The following SLURP2 variants were observed in gnomAD, a reference collection of about 807,000 sequenced individuals.
SLURP2 encodes secreted LY6/PLAUR domain containing 2.
Under a neutral mutation model 9.8 loss-of-function variants are expected in SLURP2, and 4 were observed. The observed-to-expected ratio is 0.41, with a 90% confidence interval of 0.20 to 0.94. SLURP2 has a LOEUF of 0.94. Ranked by LOEUF, SLURP2 falls within the 40% of genes least tolerant of loss-of-function variation. The pLI is 0.32. For synonymous variants in SLURP2, 58 were observed against 56.2 expected (o/e 1.03, Z -0.15); for missense variants, 118 against 126.4 (o/e 0.93, Z 0.32).
In SLURP2 at chr8:142,768,928, C is replaced by T. The variant is rs138958895; in HGVS notation, c.52+827G>A. Among the ~76,000 whole-genome samples the T allele has an allele frequency of 3.9e-5, 6 of 152,322 alleles. No homozygotes were observed. Among genetic ancestry groups the T allele is most frequent in the African/African-American group, 4.8e-5 (2 of 41,578 alleles). On this transcript the variant is annotated intron_variant, in intron 1 of 2. Coordinates refer to ENST00000317543, the MANE Select transcript of SLURP2 (RefSeq NM_177458.3). The surrounding 1 kb of genome is among the most constrained non-coding windows in gnomAD (Gnocchi z 4.8). Reference sequence around the variant, plus strand: ...GGGGCTGCCCAGGTCGTTCAACCCACAGCCAGGGACGCAGAGGCTTGGCCC... The same window carrying T: ...GGGGCTGCCCAGGTCGTTCAACCCATAGCCAGGGACGCAGAGGCTTGGCCC...
chr8:142,769,470 G>A (rs587663291), intron 1 of SLURP2, among the ~76,000 whole-genome samples: 4 of 150,606 alleles, frequency 2.7e-5, no homozygotes, highest in South Asian at 2.1e-4. Context: ...GGGGTGTCGC[G>A]GTGGACTGGA....
In SLURP2 at chr8:142,764,407, G is replaced by A. The variant is rs922055045; in HGVS notation, c.*198C>T. ...ACCTGAAGGGGCGGCAGGCACGATGGGCCCCAGGCTTGGACGGCAGCAGAT... is the reference window on the plus strand; with the variant it reads ...ACCTGAAGGGGCGGCAGGCACGATGAGCCCCAGGCTTGGACGGCAGCAGAT... On this transcript the variant is annotated 3_prime_UTR_variant, in exon 3 of 3. Transcript: ENST00000317543. 2.3e-5 allele frequency: 16 copies of A among 689,496 alleles called. No individual in the cohort carries two copies. In the African/African-American group the frequency reaches 2.5e-4, roughly 11 times the overall value. The allele number at this position is 689,496 out of a possible 1,614,324, so 42.7% of individuals were successfully genotyped here.
chr8:142,766,200 G>C (rs1413161355), intron 1 of SLURP2: 1 of 152,154 alleles, frequency 6.6e-6, no homozygotes, highest in African/African-American at 2.4e-5. Context: ...AGAAACTCAA[G>C]TCGTAAAACA....
In SLURP2 at chr8:142,765,031, C is replaced by T; in HGVS notation, c.157+5G>A. ...CGTGGCCAGCCCACCACTGTTCCCA[C>T]TTACGGGTGGCAGTGGTGACACAGT... On this transcript the variant is annotated splice_donor_5th_base_variant and intron_variant, in intron 2 of 2. Coordinates refer to ENST00000317543, the MANE Select transcript of SLURP2 (RefSeq NM_177458.3). 1 of 1,606,998 alleles carries T rather than the reference C, an allele frequency of 6.2e-7. No homozygotes were observed. Among genetic ancestry groups the T allele is most frequent in the East Asian group, 2.2e-5 (1 of 44,796 alleles).
chr8:142,765,843 A>G (rs1814987704), intron 1 of SLURP2, among the ~76,000 whole-genome samples: 1 of 151,990 alleles, frequency 6.6e-6, no homozygotes, highest in African/African-American at 2.4e-5. Context: ...TGTGCCTGTA[A>G]TCCCAGCTAC....
intron 2 of SLURP2, 76 bp downstream of exon 2, chr8:142,764,960 C>T: frequency 7.6e-7 from 1 of 1,321,616 alleles, no homozygotes; most frequent in Non-Finnish European, 1.1e-6. Flanking sequence ...CTGGATCTGG[C>T]TCTGTCACCC....
Position 142,765,116 on chromosome 8 carries a change from T to A in SLURP2, c.77A>T (p.His26Leu). The change falls in exon 2 of 3, where the codon CAC becomes CTC. Residue 26 changes from histidine (H) to leucine (L), a missense_variant. By Grantham distance (99) the His-to-Leu change is moderately conservative. Coordinates refer to ENST00000317543, the MANE Select transcript of SLURP2 (RefSeq NM_177458.3). The stretch of plus-strand genomic sequence containing the variant: ...GCACCCTCCGAAGCCCGTGCACTGG[T>A]GACACCATATGGCTTCGGCTGCAGC... ...QLAAAEAIWCHQCTGFGGCSH... is the reference protein window; with the variant it reads ...QLAAAEAIWCLQCTGFGGCSH... 6.2e-7 allele frequency: 1 copy of A among 1,611,684 alleles called. No individual in the cohort carries two copies. Among genetic ancestry groups the A allele is most frequent in the Non-Finnish European group, 8.5e-7 (1 of 1,179,302 alleles).
At position 142,764,578 on chromosome 8, in the gene SLURP2, G is replaced by T. The variant is rs749306791; in HGVS notation, c.*27C>A. 6.3e-7 allele frequency: 1 copy of T among 1,597,412 alleles called. No individual in the cohort carries two copies. Among genetic ancestry groups the T allele is most frequent in the African/African-American group, 1.4e-5 (1 of 73,996 alleles). On this transcript the variant is annotated 3_prime_UTR_variant, in exon 3 of 3. Transcript: ENST00000317543. The stretch of plus-strand genomic sequence containing the variant: ...GCTGTGGGGGCTGTGGGGGCTGAGC[G>T]TCCGGGGGCCTGGAGGAGGGCAGCC...
At chr8:142,764,829 C>G (rs950956732) in intron 2 of SLURP2, 88 bp from the exon 3 acceptor site, 7 of 1,502,828 alleles carry the variant, frequency 4.7e-6, no homozygotes, top group Non-Finnish European at 6.4e-6. Flanking sequence ...AGCTGAGGGT[C>G]AGACGCCCCA....
chr8:142,768,635 C>A lies in SLURP2; in HGVS notation c.52+1120G>T, dbSNP rs587751359. On this transcript the variant is annotated intron_variant, in intron 1 of 2. Transcript: ENST00000317543. The surrounding 1 kb of genome is among the most constrained non-coding windows in gnomAD (Gnocchi z 4.8). ...GATGTGCCATCCCTGGCCTGGATGG[C>A]CACCTGACTGCCTGTCCAGTCCTGA... 1.3e-3 allele frequency among the ~76,000 whole-genome samples: 203 copies of A among 152,210 alleles called. No homozygotes were observed. Among genetic ancestry groups the A allele is most frequent in the African/African-American group, 4.7e-3 (194 of 41,542 alleles).
At chr8:142,765,709 C>A (rs764070072) in intron 1 of SLURP2, among the ~76,000 whole-genome samples, 1 of 152,082 alleles carries the variant, frequency 6.6e-6, no homozygotes, top group Admixed American at 6.5e-5. Flanking sequence ...GCCTGTAATC[C>A]CAGCACTTTG....
At position 142,764,573 on chromosome 8, in the gene SLURP2, T is replaced by C. The variant is rs1814935938; in HGVS notation, c.*32A>G. The C allele has an allele frequency of 6.9e-6, 11 of 1,593,612 alleles. No individual in the cohort carries two copies. Among genetic ancestry groups the C allele is most frequent in the South Asian group, 1.1e-5 (1 of 89,238 alleles). On this transcript the variant is annotated 3_prime_UTR_variant, in exon 3 of 3. Coordinates refer to ENST00000317543, the MANE Select transcript of SLURP2 (RefSeq NM_177458.3). ...GCCAGGCTGTGGGGGCTGTGGGGGC[T>C]GAGCGTCCGGGGGCCTGGAGGAGGG...
At chr8:142,767,229 C>G (rs1485107226) in intron 1 of SLURP2, among the ~76,000 whole-genome samples, 1 of 152,218 alleles carries the variant, frequency 6.6e-6, no homozygotes, top group Non-Finnish European at 1.5e-5. Context: ...AGGGCAGGCC[C>G]CTGCCATCAG....
In SLURP2 at chr8:142,765,098, C is replaced by T; in HGVS notation, c.95G>A (p.Gly32Glu). 6.2e-7 allele frequency: 1 copy of T among 1,612,740 alleles called. No homozygotes were observed. Among genetic ancestry groups the T allele is most frequent in the Non-Finnish European group, 8.5e-7 (1 of 1,179,800 alleles). Residue 32 changes from glycine (G) to glutamate (E), a missense_variant, in exon 2 of 3, where the codon GGA becomes GAA. Physicochemically the swap from Gly to Glu is moderately conservative, Grantham distance 98. Transcript: ENST00000317543. ...AIWCHQCTGF[G>E]GCSHGSRCLR... ...GCATCTGGATCCATGGGAGCACCCT[C>T]CGAAGCCCGTGCACTGGTGACACCA...
intron 1 of SLURP2, 65 bp downstream of exon 1, chr8:142,769,690 G>T: frequency 2.1e-6 from 3 of 1,454,144 alleles, no homozygotes; most frequent in East Asian, 2.3e-5. Flanking sequence ...AGGGCTGGAG[G>T]GACGGTGGTT....
At chr8:142,765,284 C>T (rs1814966696) in intron 1 of SLURP2, 144 bp from the exon 2 acceptor site, 5 of 654,222 alleles carry the variant, frequency 7.6e-6, no homozygotes, top group Non-Finnish European at 1.0e-5. Context: ...ATCCAGCCCT[C>T]TCAGGAGCTG....
Position 142,764,507 on chromosome 8 carries a change from G to T in SLURP2, c.*98C>A. 1 of 1,256,958 alleles carries T rather than the reference G, an allele frequency of 8.0e-7. No homozygotes were observed. Among genetic ancestry groups the T allele is most frequent in the Non-Finnish European group, 1.1e-6 (1 of 884,312 alleles). The allele number at this position is 1,256,958 out of a possible 1,614,324, so 77.9% of individuals were successfully genotyped here. On this transcript the variant is annotated 3_prime_UTR_variant, in exon 3 of 3. Transcript: ENST00000317543. The stretch of plus-strand genomic sequence containing the variant: ...GTGGCTGCAGAGGCCGGGAGAGGTG[G>T]GCTGGCCAGTCTCGAGGGAGGGGCA...
At position 142,764,405 on chromosome 8, in the gene SLURP2, T is replaced by G. The variant is rs1814925418; in HGVS notation, c.*200A>C. The stretch of plus-strand genomic sequence containing the variant: ...GGACCTGAAGGGGCGGCAGGCACGA[T>G]GGGCCCCAGGCTTGGACGGCAGCAG... On this transcript the variant is annotated 3_prime_UTR_variant, in exon 3 of 3. Transcript: ENST00000317543. 3 of 687,076 alleles carry G rather than the reference T, an allele frequency of 4.4e-6. No individual in the cohort carries two copies. 42.6% of individuals were successfully genotyped at this position (687,076 alleles called of 1,614,324 possible).
rs1294330697 is a variant in SLURP2 at position 142,764,567 on chromosome 8, G to A, written c.*38C>T. On this transcript the variant is annotated 3_prime_UTR_variant, in exon 3 of 3. Transcript: ENST00000317543. ...CCTGGCGCCAGGCTGTGGGGGCTGT[G>A]GGGGCTGAGCGTCCGGGGGCCTGGA... 3.3e-5 allele frequency: 52 copies of A among 1,593,650 alleles called. No homozygotes were observed. Among genetic ancestry groups the A allele is most frequent in the Non-Finnish European group, 4.2e-5 (49 of 1,172,320 alleles).
Sources: allele counts gnomAD v4.1 joint callset (sites outside exome capture counted in the v4.1 genomes callset), GRCh38; gene constraint gnomAD v4.1.1; non-coding constraint Gnocchi (gnomAD v3.1); transcripts MANE v1.5; gene names NCBI Gene and HGNC (gene_info 2026-07-23, HGNC 2026-07-21).